The following LRMDA variants were observed in gnomAD, a reference collection of about 807,000 sequenced individuals.
LRMDA encodes the protein leucine-rich melanocyte differentiation-associated protein.
A neutral mutation model predicts 29.8 loss-of-function variants in LRMDA; 18 were observed. The observed-to-expected ratio is 0.60, with a 90% CI of 0.42 to 0.90. The LOEUF is 0.90. Among genes scored for constraint, LRMDA ranks in the 40% least tolerant of loss-of-function variants. The pLI, the probability that LRMDA is intolerant of heterozygous loss-of-function variation, is 0.00. For synonymous variants in LRMDA, 125 were observed against 109.4 expected (o/e 1.14, Z -0.89); for missense variants, 273 against 273.9 (o/e 1.00, Z 0.02).
intron 2 of LRMDA, among the ~76,000 whole-genome samples, chr10:75,758,501 T>C (rs1843059174): frequency 1.3e-5 from 2 of 152,194 alleles, no homozygotes; most frequent in African/African-American, 4.8e-5. Flanking sequence ...ATCGTTCTAG[T>C]AGAGCATTTC....
chr10:76,323,205 C>A (rs906966461), intron 5 of LRMDA, among the ~76,000 whole-genome samples: 6 of 152,090 alleles, frequency 3.9e-5, no homozygotes, highest in African/African-American at 1.4e-4. Context: ...CACTCACACT[C>A]TTCCTGTAAG....
chr10:75,521,795 C>T (rs1438181611), intron 2 of LRMDA, among the ~76,000 whole-genome samples: 2 of 152,230 alleles, frequency 1.3e-5, no homozygotes, highest in Non-Finnish European at 2.9e-5. Flanking sequence ...CTGCATTGAT[C>T]ACACTAGGAG....
intron 6 of LRMDA, among the ~76,000 whole-genome samples, chr10:76,462,699 G>A (rs1842525658): frequency 6.6e-6 from 1 of 152,158 alleles, no homozygotes; most frequent in Non-Finnish European, 1.5e-5. Flanking sequence ...CATGTGAGGA[G>A]AGGACCTGTC....
intron 5 of LRMDA, among the ~76,000 whole-genome samples, chr10:76,237,547 GGT>G (rs1852175062): frequency 5.3e-5 from 8 of 152,236 alleles, no homozygotes; most frequent in Admixed American, 5.2e-4. Context: ...CTGTGACTTT[GGT>G]GGCTTTTGCT....
At chr10:75,638,322 G>T (rs745669200) in intron 2 of LRMDA, among the ~76,000 whole-genome samples, 2 of 152,160 alleles carry the variant, frequency 1.3e-5, no homozygotes, top group Non-Finnish European at 1.5e-5. Flanking sequence ...GCTGGAGTTT[G>T]CTTCCCAGGT....
chr10:75,505,993 G>T (rs191978041), intron 2 of LRMDA, among the ~76,000 whole-genome samples: 1 of 152,144 alleles, frequency 6.6e-6, no homozygotes, highest in Non-Finnish European at 1.5e-5. Context: ...AGCCTTTAAG[G>T]CTTATTAGTT....
chr10:76,331,009 G>A (rs1204987393), intron 6 of LRMDA, among the ~76,000 whole-genome samples: 1 of 152,172 alleles, frequency 6.6e-6, no homozygotes, highest in Non-Finnish European at 1.5e-5. Context: ...CGTGGCTCAC[G>A]CCTGTAATCC....
intron 2 of LRMDA, among the ~76,000 whole-genome samples, chr10:75,730,307 C>T (rs923273596): frequency 1.3e-5 from 2 of 151,890 alleles, no homozygotes; most frequent in African/African-American, 2.4e-5. Flanking sequence ...TTCTTGTTCA[C>T]GTAGATCTCA....
At chr10:76,352,129 T>C (rs1450360929) in intron 6 of LRMDA, among the ~76,000 whole-genome samples, 3 of 152,156 alleles carry the variant, frequency 2.0e-5, no homozygotes, top group African/African-American at 4.8e-5. Flanking sequence ...TTTCAAATAG[T>C]TACTGTGGAA....
chr10:75,787,163 G>T (rs1403194693), intron 2 of LRMDA, among the ~76,000 whole-genome samples: 2 of 152,210 alleles, frequency 1.3e-5, no homozygotes, highest in Non-Finnish European at 2.9e-5. Flanking sequence ...CTTGGTGGTG[G>T]TTCGATATTC....
intron 2 of LRMDA, among the ~76,000 whole-genome samples, chr10:75,765,226 T>G (rs778816831): frequency 2.0e-5 from 3 of 151,046 alleles, no homozygotes; most frequent in Non-Finnish European, 2.9e-5. Flanking sequence ...TTTTTTTTTT[T>G]CTTTTCCTAC....
intron 2 of LRMDA, among the ~76,000 whole-genome samples, chr10:75,591,002 A>G (rs1840718449): frequency 6.6e-6 from 1 of 152,036 alleles, no homozygotes; most frequent in South Asian, 2.1e-4. Context: ...TCGGCCTCTC[A>G]AAGTGCTGGG....
At chr10:76,421,129 A>G (rs1315082661) in intron 6 of LRMDA, among the ~76,000 whole-genome samples, 1 of 152,120 alleles carries the variant, frequency 6.6e-6, no homozygotes, top group African/African-American at 2.4e-5. Flanking sequence ...AGTATGCTAA[A>G]ACCTCCCACT....
intron 2 of LRMDA, among the ~76,000 whole-genome samples, chr10:75,901,070 A>G (rs370579895): frequency 1.0e-3 from 156 of 152,322 alleles, no homozygotes; most frequent in African/African-American, 3.5e-3. Flanking sequence ...AATGAGAAAG[A>G]GAGAGAGGGA....
At chr10:76,363,208 G>A (rs889749408) in intron 6 of LRMDA, among the ~76,000 whole-genome samples, 3,310 of 11,648 alleles carry the variant, frequency 0.28, 642 homozygotes, top group Middle Eastern at 0.5. Context: ...GAGGGAGGGA[G>A]GGAAGGAAGA....
At chr10:76,383,606 A>AACAAGGGG (rs1406752807) in intron 6 of LRMDA, among the ~76,000 whole-genome samples, 1 of 146,800 alleles carries the variant, frequency 6.8e-6, no homozygotes, top group Non-Finnish European at 1.5e-5. Context: ...AATTTTTTGT[A>AACAAGGGG]TTTTTAGTAG....
chr10:75,903,945 C>T (rs1845719052), intron 2 of LRMDA, among the ~76,000 whole-genome samples: 1 of 152,202 alleles, frequency 6.6e-6, no homozygotes. Flanking sequence ...GACACTTGCT[C>T]TGCTGTGTGA....
intron 5 of LRMDA, among the ~76,000 whole-genome samples, chr10:76,151,584 A>G (rs1033915598): frequency 6.6e-6 from 1 of 152,176 alleles, no homozygotes; most frequent in Non-Finnish European, 1.5e-5. Flanking sequence ...AAAAAAATAT[A>G]TTTCCCTCTA....
chr10:76,185,415 T>C (rs1851130011), intron 5 of LRMDA, among the ~76,000 whole-genome samples: 1 of 152,222 alleles, frequency 6.6e-6, no homozygotes, highest in East Asian at 1.9e-4. Flanking sequence ...GAAATATGAA[T>C]GATAATACTT....
Sources: gnomAD v4.1 joint callset for allele counts (sites outside exome capture counted in the v4.1 genomes callset) on GRCh38, gnomAD v4.1.1 for gene constraint, MANE v1.5 for transcripts, NCBI Gene and HGNC (gene_info 2026-07-23, HGNC 2026-07-21) for gene names.